ZSWIM6: variants seen among roughly 807,000 people sequenced by gnomAD.
The protein encoded by ZSWIM6 is zinc finger SWIM domain-containing protein 6.
A neutral mutation model predicts 113.2 loss-of-function variants in ZSWIM6; 9 were observed. The ratio of observed to expected loss-of-function variants is 0.08; its 90% confidence interval spans 0.05 to 0.14. The LOEUF (loss-of-function observed/expected upper bound fraction) is 0.14, where lower values mean the gene tolerates loss of function less well. ZSWIM6 is among the 10% of genes least tolerant of loss of function. The probability of loss-of-function intolerance (pLI) is 1.00; values close to 1 mark genes in which losing one functional copy is unlikely to be tolerated. For synonymous variants in ZSWIM6, 611 were observed against 606.5 expected (o/e 1.01, Z -0.11); for missense variants, 1,162 against 1,552.2 (o/e 0.75, Z 4.22).
intron 1 of ZSWIM6, among the ~76,000 whole-genome samples, chr5:61,449,210 T>G (rs1161365860): frequency 4.6e-5 from 7 of 152,220 alleles, no homozygotes. Context: ...CTCATACTAT[T>G]TCTCTGAAGC....
chr5:61,530,165 G>A lies in ZSWIM6; in HGVS notation c.1951G>A (p.Asp651Asn), dbSNP rs2112275093. Reference sequence around the variant, plus strand: ...CCTTATGGAAGCCTGCCGCATTGATGATGAGAACCTCTCTGGGTTCTCAGA... The same window carrying A: ...CCTTATGGAAGCCTGCCGCATTGATAATGAGAACCTCTCTGGGTTCTCAGA... Reference protein sequence around the residue: ...SSLMEACRIDDENLSGFSDFT... With the variant: ...SSLMEACRIDNENLSGFSDFT... Residue 651 changes from aspartate (D) to asparagine (N), a missense_variant, in exon 8 of 14, where the codon GAT becomes AAT. Physicochemically the swap from Asp to Asn is conservative, Grantham distance 23. Transcript: ENST00000252744. 6 of 1,551,854 alleles carry A rather than the reference G, an allele frequency of 3.9e-6. No individual in the cohort carries two copies. The highest frequency in any genetic ancestry group is 4.4e-6 in the Non-Finnish European group (5 of 1,146,892).
intron 1 of ZSWIM6, among the ~76,000 whole-genome samples, chr5:61,364,441 GA>G (rs377645514): frequency 3.3e-4 from 49 of 149,654 alleles, no homozygotes; most frequent in South Asian, 2.8e-3. Flanking sequence ...TTAGTGGTTG[GA>G]AAAAAAAATC....
intron 1 of ZSWIM6, among the ~76,000 whole-genome samples, chr5:61,417,187 G>A (rs532507576): frequency 1.3e-5 from 2 of 152,278 alleles, no homozygotes; most frequent in Admixed American, 6.5e-5. Flanking sequence ...GCATCTGCCT[G>A]TAGACTAATG....
chr5:61,431,820 G>A (rs1266887099), intron 1 of ZSWIM6, among the ~76,000 whole-genome samples: 2 of 152,190 alleles, frequency 1.3e-5, no homozygotes, highest in African/African-American at 4.8e-5. Flanking sequence ...TAAAGAATGA[G>A]GCTTAATTAA....
intron 4 of ZSWIM6, among the ~76,000 whole-genome samples, chr5:61,511,188 C>T (rs755912127): frequency 1.1e-4 from 16 of 152,054 alleles, no homozygotes; most frequent in Non-Finnish European, 2.1e-4. Context: ...GATGAAACCT[C>T]TCTTTAGGGA....
chr5:61,497,106 GAAAA>G (rs34912981), intron 4 of ZSWIM6, among the ~76,000 whole-genome samples: 2 of 119,800 alleles, frequency 1.7e-5, no homozygotes, highest in Non-Finnish European at 3.5e-5. Context: ...AGTACACCAG[GAAAA>G]AAAAAAAAAA....
intron 1 of ZSWIM6, among the ~76,000 whole-genome samples, chr5:61,373,431 G>A (rs78690404): frequency 0.042 from 6,018 of 141,626 alleles, 224 homozygotes; most frequent in South Asian, 0.18. Context: ...AGGCTGGAGT[G>A]CAGTGGCGCG....
At chr5:61,364,420 A>G (rs926991348) in intron 1 of ZSWIM6, among the ~76,000 whole-genome samples, 1 of 152,074 alleles carries the variant, frequency 6.6e-6, no homozygotes, top group African/African-American at 2.4e-5. Flanking sequence ...AATGTTTTTT[A>G]TTTTTATTTT....
At chr5:61,339,986 C>T (rs568467032) in intron 1 of ZSWIM6, among the ~76,000 whole-genome samples, 122 of 152,172 alleles carry the variant, frequency 8.0e-4, no homozygotes, top group African/African-American at 2.8e-3. Flanking sequence ...TGTGAAGAGA[C>T]GTTTTGTTTG....
intron 1 of ZSWIM6, among the ~76,000 whole-genome samples, chr5:61,449,746 C>T (rs1747045868): frequency 6.6e-6 from 1 of 152,172 alleles, no homozygotes; most frequent in Admixed American, 6.5e-5. Flanking sequence ...CTTGATGGGG[C>T]ACCCATTCCA....
intron 9 of ZSWIM6, among the ~76,000 whole-genome samples, chr5:61,533,812 C>T (rs1232696266): frequency 6.6e-6 from 1 of 152,142 alleles, no homozygotes; most frequent in Non-Finnish European, 1.5e-5. Flanking sequence ...GATTGTGTGG[C>T]TTAAACAACA....
At chr5:61,479,603 A>G (rs984184447) in intron 2 of ZSWIM6, among the ~76,000 whole-genome samples, 4 of 152,074 alleles carry the variant, frequency 2.6e-5, no homozygotes, top group African/African-American at 2.4e-5. Flanking sequence ...CTCCCCCACA[A>G]TGGCGTTTCT....
intron 8 of ZSWIM6, 32 bp downstream of exon 8, chr5:61,530,230 T>G: frequency 6.6e-7 from 1 of 1,525,912 alleles, no homozygotes; most frequent in Non-Finnish European, 8.8e-7. Flanking sequence ...TCATGTGCTT[T>G]TCTTTTTCTA....
rs1450018504 is a variant in ZSWIM6, at chr5:61,543,621, A to T, written c.2952A>T (p.Ala984=). The part of the protein sequence containing the change: ...EKLASSARTL[A]LQCAMKDPQN... ...TGGCCAGCAGCGCCCGGACACTTGC[A>T]CTGCAGTGTGCCATGAAGGATCCAC... is the stretch of plus-strand genomic sequence containing the variant. Residue 984 remains alanine (A), a synonymous_variant, in exon 14 of 14, where the codon GCA becomes GCT. Coordinates refer to ENST00000252744, the MANE Select transcript of ZSWIM6 (RefSeq NM_020928.2). This position sits in a 1 kb window ranked among gnomAD's most constrained non-coding sequence, Gnocchi z 4.3. 7.7e-6 allele frequency: 12 copies of T among 1,551,746 alleles called. No homozygotes were observed. The East Asian group carries it at 2.9e-4, about 38-fold the overall frequency.
chr5:61,402,537 C>G (rs1308970088), intron 1 of ZSWIM6, among the ~76,000 whole-genome samples: 1 of 151,158 alleles, frequency 6.6e-6, no homozygotes, highest in Non-Finnish European at 1.5e-5. Context: ...TTTTTTCCCC[C>G]CAGGAAGAAA....
chr5:61,396,861 T>C (rs756517328), intron 1 of ZSWIM6, among the ~76,000 whole-genome samples: 2 of 152,244 alleles, frequency 1.3e-5, no homozygotes, highest in African/African-American at 4.8e-5. Flanking sequence ...CCGTCTAATG[T>C]CTTCCAAATA....
intron 2 of ZSWIM6, among the ~76,000 whole-genome samples, chr5:61,483,016 G>A (rs1299167487): frequency 2.0e-5 from 3 of 151,862 alleles, no homozygotes; most frequent in Non-Finnish European, 4.4e-5. Flanking sequence ...CCAACTTAAT[G>A]TATCCATTCA....
intron 1 of ZSWIM6, among the ~76,000 whole-genome samples, chr5:61,404,658 G>T (rs887358618): frequency 6.6e-6 from 1 of 151,928 alleles, no homozygotes; most frequent in African/African-American, 2.4e-5. Context: ...GTAGAAGAGA[G>T]AAGCTAAGTC....
At chr5:61,528,076 C>T (rs886788038) in intron 7 of ZSWIM6, among the ~76,000 whole-genome samples, 2 of 152,014 alleles carry the variant, frequency 1.3e-5, no homozygotes, top group African/African-American at 4.8e-5. Flanking sequence ...GATTACATGT[C>T]TATACCTATG....
Sources: gnomAD v4.1 joint callset for allele counts (sites outside exome capture counted in the v4.1 genomes callset) on GRCh38, gnomAD v4.1.1 for gene constraint, Gnocchi (gnomAD v3.1) non-coding constraint, MANE v1.5 for transcripts, NCBI Gene and HGNC (gene_info 2026-07-23, HGNC 2026-07-21) for gene names.